The following PPP1R26 variants were observed in gnomAD, a reference collection of about 807,000 sequenced individuals.
The protein encoded by PPP1R26 is 1A6/DRIM (down-regulated in metastasis) interacting protein.
Under a neutral mutation model 67.6 loss-of-function variants are expected in PPP1R26, and 22 were observed. That is an observed-to-expected ratio of 0.33 (90% CI 0.23 to 0.46). The LOEUF (loss-of-function observed/expected upper bound fraction) is 0.46. Among genes scored for constraint, PPP1R26 ranks in the 20% least tolerant of loss-of-function variants. The probability of loss-of-function intolerance (pLI) is 1.00; values close to 1 mark genes in which losing one functional copy is unlikely to be tolerated. For synonymous variants in PPP1R26, 729 were observed against 717.2 expected, an observed-to-expected ratio of 1.02 and a Z score of -0.26; for missense variants, 1,602 against 1,651.4, an observed-to-expected ratio of 0.97 and a Z score of 0.52.
At chr9:135,483,194 A>T (rs1182057927) in intron 2 of PPP1R26, among the ~76,000 whole-genome samples, 1 of 151,666 alleles carries the variant, frequency 6.6e-6, no homozygotes, top group Non-Finnish European at 1.5e-5. Context: ...GTTTCACTAT[A>T]TTGGTCAGGC....
At chr9:135,479,249 G>T (rs1830428417), upstream of PPP1R26, 1 of 152,010 alleles carries the variant, frequency 6.6e-6, no homozygotes, top group South Asian at 2.1e-4. The surrounding 1 kb of genome is among the most constrained non-coding windows in gnomAD (Gnocchi z 5.9). Flanking sequence ...ACACGCGGGG[G>T]CCGCCCCCGA....
chr9:135,480,663 AG>A (rs1161600321), intron 1 of PPP1R26: 5 of 152,490 alleles, frequency 3.3e-5, no homozygotes, highest in Non-Finnish European at 7.3e-5. Context: ...GGCAGCCGGG[AG>A]GGGCTCACCT....
Position 135,487,540 on chromosome 9 carries a change from C to T in PPP1R26, c.3030C>T (p.Ser1010=). The T allele has an allele frequency of 1.3e-6, 2 of 1,586,214 alleles. No homozygotes were observed. The highest frequency in any genetic ancestry group is 1.7e-6 in the Non-Finnish European group (2 of 1,167,670). The change falls in exon 4 of 4, where the codon AGC becomes AGT. Residue 1010 remains serine, a synonymous_variant. Transcript: ENST00000356818. Reference sequence around the variant, plus strand: ...GGAGCCCGAGCTTCCTGACCCCCAGCCCGGGAGCGGAGAGGGACGCTGGAG... The same window carrying T: ...GGAGCCCGAGCTTCCTGACCCCCAGTCCGGGAGCGGAGAGGGACGCTGGAG... ...GCGSPSFLTP[S]PGAERDAGAQ... is the part of the protein sequence containing the mutation.
upstream of PPP1R26, among the ~76,000 whole-genome samples, chr9:135,479,463 C>G (rs1830433649): frequency 6.6e-6 from 1 of 150,732 alleles, no homozygotes; most frequent in Admixed American, 6.6e-5. This position sits in a 1 kb window ranked among gnomAD's most constrained non-coding sequence, Gnocchi z 5.9. Context: ...CCGGAGGTGG[C>G]CGCGGTACGG....
At chr9:135,482,983 C>CT (rs1360229729) in intron 2 of PPP1R26, among the ~76,000 whole-genome samples, 168 bp downstream of exon 2, 11 of 125,746 alleles carry the variant, frequency 8.7e-5, no homozygotes, top group African/African-American at 1.5e-4. Context: ...CTTTTTCTTT[C>CT]TTTCTTTTTT....
rs1341008020 is a variant in PPP1R26, at chr9:135,485,803, C to A, written c.1293C>A (p.Thr431=). ...KTPSKKKLVA[T]KTMDPGPGGL... ...CCAGCAAGAAGAAGCTAGTGGCCAC[C>A]AAGACCATGGACCCTGGTCCAGGGG... The change falls in exon 4 of 4, where the codon ACC becomes ACA. Residue 431 remains threonine, a synonymous_variant. Coordinates refer to ENST00000356818, the MANE Select transcript of PPP1R26 (RefSeq NM_014811.5). This position sits in a 1 kb window ranked among gnomAD's most constrained non-coding sequence, Gnocchi z 7.2. 2.5e-6 allele frequency: 4 copies of A among 1,612,854 alleles called. No individual in the cohort carries two copies. The African/African-American group carries it at 4.0e-5, about 16-fold the overall frequency.
At position 135,484,786 on chromosome 9, in the gene PPP1R26, G is replaced by A; in HGVS notation, c.276G>A (p.Glu92=). 6.2e-7 allele frequency: 1 copy of A among 1,611,344 alleles called. No individual in the cohort carries two copies. Among genetic ancestry groups the A allele is most frequent in the East Asian group, 2.2e-5 (1 of 44,870 alleles). ...CTGCCAAGCCCACCGTGCACAAGGA[G>A]CCACCCGCGTTGGCTGTCTGTGGTC... ...RPAAKPTVHK[E]PPALAVCGLV... Residue 92 remains glutamate (E), a synonymous_variant, in exon 4 of 4, where the codon GAG becomes GAA. Transcript: ENST00000356818.
Position 135,485,588 on chromosome 9 carries a change from T to C in PPP1R26, c.1078T>C (p.Ser360Pro). The C allele has an allele frequency of 6.2e-7, 1 of 1,612,832 alleles. No homozygotes were observed. The highest frequency in any genetic ancestry group is 8.5e-7 in the Non-Finnish European group (1 of 1,179,940). The change falls in exon 4 of 4, where the codon TCC becomes CCC. Residue 360 changes from serine to proline, a missense_variant. This residue lies in a region of PPP1R26 where 680 missense variants were observed against 726.1 expected (regional missense o/e 0.94). Transcript: ENST00000356818. The surrounding 1 kb of genome is among the most constrained non-coding windows in gnomAD (Gnocchi z 7.2). ...GAGTGCGGCACAGGCGTCCGAGGCG[T>C]CCGACTCCAGCAGCGACGATGGCAT... ...VMSAAQASEA[S>P]DSSSDDGIEE...
In PPP1R26 at chr9:135,487,375, G is replaced by A. The variant is rs1431268328; in HGVS notation, c.2865G>A (p.Arg955=). ...GVSAKGLSVS[R]RNVYVHKDQS... ...CCGCCAAGGGGCTCTCAGTGAGCAG[G>A]AGAAATGTTTACGTTCACAAAGACC... Residue 955 remains arginine, a synonymous_variant, in exon 4 of 4, where the codon AGG becomes AGA. Transcript: ENST00000356818. 1 of 1,566,300 alleles carries A rather than the reference G, an allele frequency of 6.4e-7. No homozygotes were observed. The highest frequency in any genetic ancestry group is 8.6e-7 in the Non-Finnish European group (1 of 1,157,570).
At position 135,488,144 on chromosome 9, in the gene PPP1R26, C is replaced by T; in HGVS notation, c.*4C>T. 6.7e-7 allele frequency: 1 copy of T among 1,500,852 alleles called. No homozygotes were observed. The highest frequency in any genetic ancestry group is 8.9e-7 in the Non-Finnish European group (1 of 1,126,118). 93.0% of individuals were successfully genotyped at this position (1,500,852 alleles called of 1,614,324 possible). Reference sequence around the variant, plus strand: ...CAGCTCAGTAGTGAAGGTCTAAGCCCTCGAGCTGTGGGTTCGCGTCCTGGG... The same window carrying T: ...CAGCTCAGTAGTGAAGGTCTAAGCCTTCGAGCTGTGGGTTCGCGTCCTGGG... On this transcript the variant is annotated 3_prime_UTR_variant, in exon 4 of 4. Coordinates refer to ENST00000356818, the MANE Select transcript of PPP1R26 (RefSeq NM_014811.5).
intron 2 of PPP1R26, among the ~76,000 whole-genome samples, 162 bp downstream of exon 2, chr9:135,482,977 TTC>T (rs1358110302): frequency 2.1e-5 from 3 of 139,782 alleles, no homozygotes; most frequent in Non-Finnish European, 1.5e-5. Flanking sequence ...TTGTTTCTTT[TTC>T]TTTCTTTCTT....
chr9:135,485,034 A>G lies in PPP1R26; in HGVS notation c.524A>G (p.Glu175Gly). 1.3e-6 allele frequency: 2 copies of G among 1,595,822 alleles called. No individual in the cohort carries two copies. Among genetic ancestry groups the G allele is most frequent in the Non-Finnish European group, 1.7e-6 (2 of 1,172,084 alleles). ...AAGGGSRCKP[E>G]PAHGSAPTAL... ...GGCGGAGGCAGTAGATGTAAGCCGG[A>G]ACCGGCTCACGGCAGTGCCCCGACT... The change falls in exon 4 of 4, where the codon GAA (glutamate) becomes GGA (glycine). Residue 175 changes from glutamate (E) to glycine (G), a missense_variant. This residue lies in a region of PPP1R26 where 680 missense variants were observed against 726.1 expected (regional missense o/e 0.94). Transcript: ENST00000356818. The surrounding 1 kb of genome is among the most constrained non-coding windows in gnomAD (Gnocchi z 7.2).
At position 135,488,174 on chromosome 9, in the gene PPP1R26, G is replaced by A. The variant is rs747284168; in HGVS notation, c.*34G>A. The A allele has an allele frequency of 5.4e-6, 8 of 1,488,404 alleles. No individual in the cohort carries two copies. The East Asian group carries it at 7.1e-5, about 13-fold the overall frequency. 92.2% of individuals were successfully genotyped at this position (1,488,404 alleles called of 1,614,324 possible). A position where few individuals can be genotyped will look rare whatever the true frequency, so the allele number is the denominator to read the frequency against. On this transcript the variant is annotated 3_prime_UTR_variant, in exon 4 of 4. Transcript: ENST00000356818. ...GCTGTGGGTTCGCGTCCTGGGTTGCGTGCATTCGTGGAAAGCGGCGTAGCC... is the reference window on the plus strand; with the variant it reads ...GCTGTGGGTTCGCGTCCTGGGTTGCATGCATTCGTGGAAAGCGGCGTAGCC...
intron 3 of PPP1R26, 87 bp from the exon 4 acceptor site, chr9:135,484,362 C>A: frequency 1.3e-6 from 1 of 748,676 alleles, no homozygotes. Context: ...GTGAGCCCGA[C>A]ATGCTGTTCC....
In PPP1R26 at chr9:135,484,771, C is replaced by T; in HGVS notation, c.261C>T (p.Pro87=). 1 of 1,611,144 alleles carries T rather than the reference C, an allele frequency of 6.2e-7. No individual in the cohort carries two copies. The highest frequency in any genetic ancestry group is 8.5e-7 in the Non-Finnish European group (1 of 1,179,446). The part of the protein sequence containing the change: ...GCHDARPAAK[P]TVHKEPPALA... Reference sequence around the variant, plus strand: ...ACGACGCCAGGCCGGCTGCCAAGCCCACCGTGCACAAGGAGCCACCCGCGT... The same window carrying T: ...ACGACGCCAGGCCGGCTGCCAAGCCTACCGTGCACAAGGAGCCACCCGCGT... The change falls in exon 4 of 4, where the codon CCC becomes CCT. Residue 87 remains proline, a synonymous_variant. Transcript: ENST00000356818.
Position 135,486,034 on chromosome 9 carries a change from A to C in PPP1R26, c.1524A>C (p.Ala508=). 14 of 1,613,170 alleles carry C rather than the reference A, an allele frequency of 8.7e-6. No homozygotes were observed. The highest frequency in any genetic ancestry group is 1.1e-5 in the Non-Finnish European group (13 of 1,180,026). Residue 508 remains alanine, a synonymous_variant, in exon 4 of 4, where the codon GCA becomes GCC. Transcript: ENST00000356818. The surrounding 1 kb of genome is among the most constrained non-coding windows in gnomAD (Gnocchi z 6.2). ...AGGGCAGTGACGGGTCCCTGTCCGC[A>C]AGCCCACTCTTCTACTCCCCGAACG... ...PVEGSDGSLS[A]SPLFYSPNVP... is the part of the protein sequence containing the mutation.
rs763648885 is a variant in PPP1R26 at position 135,484,882 on chromosome 9, C to T, written c.372C>T (p.Asp124=). The T allele has an allele frequency of 1.2e-6, 2 of 1,603,270 alleles. No homozygotes were observed. Among genetic ancestry groups the T allele is most frequent in the South Asian group, 1.1e-5 (1 of 89,854 alleles). The change falls in exon 4 of 4, where the codon GAC becomes GAT. Residue 124 remains aspartate, a synonymous_variant. Coordinates refer to ENST00000356818, the MANE Select transcript of PPP1R26 (RefSeq NM_014811.5). The part of the protein sequence containing the change: ...TDFGPLVLDS[D]SDDSVDRDIE... ...TTGGCCCGTTGGTGCTAGATTCAGACAGTGATGATTCCGTGGACAGGGACA... is the reference window on the plus strand; with the variant it reads ...TTGGCCCGTTGGTGCTAGATTCAGATAGTGATGATTCCGTGGACAGGGACA...
In PPP1R26 at chr9:135,488,374, A is replaced by G; in HGVS notation, c.*234A>G. On this transcript the variant is annotated 3_prime_UTR_variant, in exon 4 of 4. Transcript: ENST00000356818. ...GTGATGTAAAAGATATTTTTGGAAA[A>G]TACTGTTGTTCAATTTTGTAGGGTG... 1.3e-6 allele frequency: 1 copy of G among 759,456 alleles called. No homozygotes were observed. The highest frequency in any genetic ancestry group is 1.8e-6 in the Non-Finnish European group (1 of 553,220). The allele number at this position is 759,456 out of a possible 1,614,324, so 47.0% of individuals were successfully genotyped here. A position where few individuals can be genotyped will look rare whatever the true frequency, so the allele number is the denominator to read the frequency against.
rs374196621 is a variant in PPP1R26, at chr9:135,484,952, G to A, written c.442G>A (p.Ala148Thr). The A allele has an allele frequency of 1.3e-4, 202 of 1,579,088 alleles. No individual in the cohort carries two copies. Among genetic ancestry groups the A allele is most frequent in the Non-Finnish European group, 1.5e-4 (172 of 1,163,106 alleles). ...GTACCTGAAGGCAAAGAGTGGAGCC[G>A]CACAGCCCGGGGCCGGCGGGGCCCA... Reference protein sequence around the residue: ...QEYLKAKSGAAQPGAGGAQPG... With the variant: ...QEYLKAKSGATQPGAGGAQPG... Residue 148 changes from alanine (A) to threonine (T), a missense_variant, in exon 4 of 4, where the codon GCA (alanine) becomes ACA (threonine). Ala to Thr is a moderately conservative substitution (Grantham distance 58, BLOSUM62 0). Around this residue, in one of 5 missense-constraint regions of PPP1R26, gnomAD observed 680 missense variants for 726.1 expected, o/e 0.94. Transcript: ENST00000356818.
Sources: gnomAD v4.1 joint callset for allele counts (sites outside exome capture counted in the v4.1 genomes callset) on GRCh38, gnomAD v4.1.1 for gene constraint, gnomAD v4.1.1 regional missense constraint, Gnocchi (gnomAD v3.1) non-coding constraint, MANE v1.5 for transcripts, NCBI Gene and HGNC (gene_info 2026-07-23, HGNC 2026-07-21) for gene names.